The following CCM2 variants were observed in gnomAD, a reference collection of about 807,000 sequenced individuals.
CCM2 encodes the protein CCM2 scaffold protein, also known as cerebral cavernous malformations 2 protein.
CCM2 carries 25 observed loss-of-function variants against 44.9 expected under a neutral mutation model. The observed-to-expected ratio is 0.56, with a 90% CI of 0.41 to 0.78. The LOEUF is 0.78. CCM2 is among the 30% of genes least tolerant of loss of function. The probability of loss-of-function intolerance (pLI) is 0.00; values close to 1 mark genes in which losing one functional copy is unlikely to be tolerated. For missense variants in CCM2, 481 were observed against 580.6 expected (o/e 0.83, Z 1.76); for synonymous variants, 219 against 241.1 (o/e 0.91, Z 0.85).
chr7:45,066,757 C>T (rs1041300674), intron 4 of CCM2, among the ~76,000 whole-genome samples: 8 of 152,100 alleles, frequency 5.3e-5, no homozygotes, highest in Admixed American at 1.3e-4. Context: ...ACTCGCTGCC[C>T]GCATCCTTAG....
At chr7:45,006,871 G>C (rs1018200777) in intron 1 of CCM2, among the ~76,000 whole-genome samples, 1 of 152,164 alleles carries the variant, frequency 6.6e-6, no homozygotes, top group African/African-American at 2.4e-5. Flanking sequence ...GACTCTAAGA[G>C]AATAAGTTTC....
At chr7:45,009,732 G>C in intron 1 of CCM2, among the ~76,000 whole-genome samples, 1 of 152,176 alleles carries the variant, frequency 6.6e-6, no homozygotes, top group East Asian at 1.9e-4. Flanking sequence ...CCCATATCTA[G>C]CATTTGTTTA....
intron 2 of CCM2, among the ~76,000 whole-genome samples, chr7:45,052,617 T>C (rs754218572): frequency 3.3e-5 from 5 of 152,212 alleles, no homozygotes; most frequent in Non-Finnish European, 7.3e-5. Flanking sequence ...AAGAAGTGTT[T>C]ACCGCATCAG....
At chr7:45,074,227 G>A in intron 8 of CCM2, 43 bp from the exon 9 acceptor site, 1 of 1,612,536 alleles carries the variant, frequency 6.2e-7, no homozygotes, top group Middle Eastern at 1.7e-4. Context: ...GCCGACTCTT[G>A]CCTACTGTGC....
chr7:45,004,985 A>G (rs1331094871), intron 1 of CCM2, among the ~76,000 whole-genome samples: 18 of 121,594 alleles, frequency 1.5e-4, no homozygotes, highest in African/African-American at 6.1e-4. Context: ...GACAAGAGTA[A>G]GACTCCGTCT....
In CCM2 at chr7:45,006,204, CAGTT is replaced by C. The variant is rs1183920497; in HGVS notation, c.30+5842_30+5845del. 1.6e-4 allele frequency among the ~76,000 whole-genome samples: 25 copies of C among 152,256 alleles called. 1 individual carries two copies. Among genetic ancestry groups the C allele is most frequent in the African/African-American group, 5.5e-4 (23 of 41,536 alleles). On this transcript the variant is annotated intron_variant, in intron 1 of 9. Coordinates refer to ENST00000258781, the MANE Select transcript of CCM2 (RefSeq NM_031443.4). ...TCCCCTGTGCCCATGTGTGGGCAGT[CAGTT>C]TCATGTGCACCTTCTCCTCATTCCT...
At chr7:45,016,761 T>C (rs1336490395) in intron 1 of CCM2, among the ~76,000 whole-genome samples, 1 of 151,966 alleles carries the variant, frequency 6.6e-6, no homozygotes, top group East Asian at 1.9e-4. Context: ...GCCTCCCAAG[T>C]AGCTGGGATT....
chr7:45,016,851 T>C (rs1189089926), intron 1 of CCM2, among the ~76,000 whole-genome samples: 1 of 152,224 alleles, frequency 6.6e-6, no homozygotes, highest in Admixed American at 6.5e-5. Context: ...CAGGCTGATC[T>C]CTAACTCCTG....
At chr7:45,033,147 A>G (rs1583888702) in intron 1 of CCM2, among the ~76,000 whole-genome samples, 1 of 151,082 alleles carries the variant, frequency 6.6e-6, no homozygotes, top group East Asian at 2.0e-4. Flanking sequence ...AATAAGAGGC[A>G]TCTACAGATG....
rs1562868346 is a variant in CCM2, at chr7:45,023,810, T to TGG, written c.31-14443_31-14442insGG. Among the ~76,000 whole-genome samples, 532 of 134,694 alleles carry TGG rather than the reference T, an allele frequency of 3.9e-3. 15 individuals carry two copies. The highest frequency in any genetic ancestry group is 0.013 in the African/African-American group (493 of 36,846). 88.4% of individuals were successfully genotyped at this position (134,694 alleles called of 152,430 possible). A position where few individuals can be genotyped will look rare whatever the true frequency, so the allele number is the denominator to read the frequency against. ...CAGTTTTTTTTTTTTTTTTTTTTTT[T>TGG]TTTTTTTTTTTTTTTATGAGACAGA... On this transcript the variant is annotated intron_variant, in intron 1 of 9. Coordinates refer to ENST00000258781, the MANE Select transcript of CCM2 (RefSeq NM_031443.4).
chr7:45,041,819 G>A (rs928914852), intron 2 of CCM2, among the ~76,000 whole-genome samples: 7 of 152,156 alleles, frequency 4.6e-5, no homozygotes, highest in African/African-American at 1.7e-4. Context: ...AGACCACATT[G>A]GGTGGGGCAG....
At chr7:45,071,856 C>T (rs1216506234) in intron 6 of CCM2, 2 of 456,632 alleles carry the variant, frequency 4.4e-6, no homozygotes, top group Non-Finnish European at 8.8e-6. Context: ...TCTCCAGGGT[C>T]ATCTCCCTAT....
At chr7:45,065,524 G>C (rs962860675) in intron 4 of CCM2, among the ~76,000 whole-genome samples, 6 of 152,172 alleles carry the variant, frequency 3.9e-5, no homozygotes, top group Admixed American at 6.5e-5. Context: ...GGAATTTGTT[G>C]TTCCACTTAA....
intron 2 of CCM2, among the ~76,000 whole-genome samples, chr7:45,059,745 T>A (rs1469435078): frequency 6.6e-6 from 1 of 152,092 alleles, no homozygotes; most frequent in East Asian, 1.9e-4. Context: ...CTCAAAAATG[T>A]GTATGTGTGT....
At chr7:45,056,075 C>T (rs529414988) in intron 2 of CCM2, among the ~76,000 whole-genome samples, 1 of 127,670 alleles carries the variant, frequency 7.8e-6, no homozygotes, top group Non-Finnish European at 1.8e-5. Flanking sequence ...TTGGTTTATT[C>T]ATTTATCTGT....
At chr7:45,027,640 G>A (rs923458913) in intron 1 of CCM2, 2 of 1,613,196 alleles carry the variant, frequency 1.2e-6, no homozygotes, top group African/African-American at 2.7e-5. Context: ...GTTCAGTCAT[G>A]TTTTTTTCAG....
intron 1 of CCM2, among the ~76,000 whole-genome samples, chr7:45,023,965 C>T (rs550168027): frequency 6.6e-6 from 1 of 151,920 alleles, no homozygotes; most frequent in East Asian, 1.9e-4. Flanking sequence ...CATGTGCCAC[C>T]ACGCCCTGCT....
intron 1 of CCM2, among the ~76,000 whole-genome samples, chr7:45,001,143 A>G (rs937386144): frequency 6.6e-6 from 1 of 152,064 alleles, no homozygotes; most frequent in African/African-American, 2.4e-5. Context: ...GATAATTCCT[A>G]ACTATGATTT....
chr7:45,072,959 C>T (rs1583991383), intron 7 of CCM2, 176 bp downstream of exon 7: 4 of 688,142 alleles, frequency 5.8e-6, no homozygotes, highest in African/African-American at 3.5e-5. Flanking sequence ...GCCCTCTCCT[C>T]GTAGACTTCT....
Sources: allele counts gnomAD v4.1 joint callset (sites outside exome capture counted in the v4.1 genomes callset), GRCh38; gene constraint gnomAD v4.1.1; transcripts MANE v1.5; gene names NCBI Gene and HGNC (gene_info 2026-07-23, HGNC 2026-07-21).